The following TBC1D32 variants were observed in gnomAD, a reference collection of about 807,000 sequenced individuals.
The protein encoded by TBC1D32 is protein broad-minded.
Under a neutral mutation model 170.3 loss-of-function variants are expected in TBC1D32, and 151 were observed. That is an observed-to-expected ratio of 0.89 (90% confidence interval 0.78 to 1.01). The LOEUF (loss-of-function observed/expected upper bound fraction) is 1.01, where lower values mean the gene tolerates loss of function less well. TBC1D32 is among the 50% of genes least tolerant of loss of function. TBC1D32 has a pLI of 0.00. For synonymous variants in TBC1D32, 498 were observed against 488.0 expected (o/e 1.02, Z -0.27); for missense variants, 1,464 against 1,457.1 (o/e 1.00, Z -0.08).
At chr6:121,227,715 T>C (rs908622880) in intron 20 of TBC1D32, among the ~76,000 whole-genome samples, 6 of 152,086 alleles carry the variant, frequency 3.9e-5, no homozygotes, top group Non-Finnish European at 7.4e-5. Flanking sequence ...ATCGATAATA[T>C]AGTATTTTAA....
chr6:121,203,639 CT>C (rs1791876120), intron 22 of TBC1D32, among the ~76,000 whole-genome samples: 1 of 151,232 alleles, frequency 6.6e-6, no homozygotes, highest in Admixed American at 6.6e-5. Context: ...GAAAATAACT[CT>C]GTAAGGAAAA....
At chr6:121,097,137 G>A (rs1009693387) in intron 30 of TBC1D32, among the ~76,000 whole-genome samples, 5 of 152,054 alleles carry the variant, frequency 3.3e-5, no homozygotes, top group Non-Finnish European at 7.4e-5. Context: ...ATAGGCATGG[G>A]CAAGGACTTC....
intron 29 of TBC1D32, among the ~76,000 whole-genome samples, chr6:121,108,706 C>A (rs1778931979): frequency 6.6e-6 from 1 of 151,144 alleles, no homozygotes; most frequent in South Asian, 2.1e-4. Flanking sequence ...CATTATAGAT[C>A]TTTTGGGGAG....
Position 121,277,500 on chromosome 6 carries a change from A to C in TBC1D32, c.1733+1621T>G, listed in dbSNP as rs1237230991. ...AAGACTCCATCTCAAAAAAAAAAAAAAAAAAAAAAACCACAAGGGTCAAAG... is the reference window on the plus strand; with the variant it reads ...AAGACTCCATCTCAAAAAAAAAAAACAAAAAAAAAACCACAAGGGTCAAAG... On this transcript the variant is annotated intron_variant, in intron 15 of 31. Transcript: ENST00000398212. Among the ~76,000 whole-genome samples, 3 of 150,652 alleles carry C rather than the reference A, an allele frequency of 2.0e-5. No individual in the cohort carries two copies. The East Asian group carries it at 5.8e-4, about 29-fold the overall frequency.
At chr6:121,175,468 G>A (rs918932765) in intron 22 of TBC1D32, among the ~76,000 whole-genome samples, 1 of 152,168 alleles carries the variant, frequency 6.6e-6, no homozygotes, top group African/African-American at 2.4e-5. Context: ...TAATCCAGCA[G>A]TTAATTAAAA....
intron 22 of TBC1D32, among the ~76,000 whole-genome samples, chr6:121,172,502 A>G (rs145685200): frequency 1.3e-5 from 2 of 152,298 alleles, no homozygotes; most frequent in African/African-American, 4.8e-5. Context: ...AGGCAGGACT[A>G]CAAATGGCTC....
chr6:121,131,682 G>A lies in TBC1D32; in HGVS notation c.2844C>T (p.Cys948=), dbSNP rs1781456601. ...SDKQTEWIEN[C]QRQFCKMMKA... ...TCATCATTTTGCAAAATTGTCTTTG[G>A]CAGTTTTCTATCCATTCAGTTTGTT... The change falls in exon 25 of 32, where the codon TGC becomes TGT. Residue 948 remains cysteine, a synonymous_variant. Transcript: ENST00000398212. The A allele has an allele frequency of 6.2e-7, 1 of 1,611,058 alleles. No homozygotes were observed. Among genetic ancestry groups the A allele is most frequent in the African/African-American group, 1.3e-5 (1 of 74,792 alleles).
intron 11 of TBC1D32, 116 bp from the exon 12 acceptor site, chr6:121,292,309 G>T: frequency 9.4e-7 from 1 of 1,062,096 alleles, no homozygotes; most frequent in Non-Finnish European, 1.3e-6. Flanking sequence ...GACATTACTG[G>T]TCAAAAATTT....
Position 121,281,671 on chromosome 6 carries a change from G to A in TBC1D32, c.1481C>T (p.Ala494Val). ...CCACAGAACTTCAGTCACCATACTT[G>A]CAGGAGAGTAATTCTCTAATAAACA... The part of the protein sequence containing the change: ...SAAHSENYSP[A>V]SMVTEVLWIL... The change falls in exon 14 of 32, where the codon GCA becomes GTA. Residue 494 changes from alanine (A) to valine (V), a missense_variant. By Grantham distance (64) the Ala-to-Val change is moderately conservative. Around this residue, in one of 3 missense-constraint regions of TBC1D32, gnomAD observed 1,363 missense variants for 1,338.1 expected, o/e 1.02. Coordinates refer to ENST00000398212, the MANE Select transcript of TBC1D32 (RefSeq NM_152730.6). 1 of 1,593,104 alleles carries A rather than the reference G, an allele frequency of 6.3e-7. No homozygotes were observed. The highest frequency in any genetic ancestry group is 8.6e-7 in the Non-Finnish European group (1 of 1,169,476).
chr6:121,330,081 C>T (rs911601899), intron 1 of TBC1D32, among the ~76,000 whole-genome samples: 2 of 152,000 alleles, frequency 1.3e-5, no homozygotes, highest in Non-Finnish European at 2.9e-5. Flanking sequence ...TATTTTGTGA[C>T]AGGGTCTCGC....
At chr6:121,206,179 C>T (rs1792232121) in intron 21 of TBC1D32, among the ~76,000 whole-genome samples, 2 of 147,782 alleles carry the variant, frequency 1.4e-5, no homozygotes, top group East Asian at 2.0e-4. Context: ...CACTGCACTC[C>T]AGCCTAGGTG....
Position 121,160,007 on chromosome 6 carries a change from T to C in TBC1D32, c.2773+3A>G. The C allele has an allele frequency of 6.4e-7, 1 of 1,570,930 alleles. No individual in the cohort carries two copies. The highest frequency in any genetic ancestry group is 8.7e-7 in the Non-Finnish European group (1 of 1,144,926). The stretch of plus-strand genomic sequence containing the variant: ...ATATGGCATTTGATGGTAAATATTT[T>C]ACCTTGTTTTATACCAGCATTTCTT... On this transcript the variant is annotated splice_donor_region_variant and intron_variant, in intron 24 of 31. Coordinates refer to ENST00000398212, the MANE Select transcript of TBC1D32 (RefSeq NM_152730.6).
chr6:121,168,460 G>C (rs1325184568), intron 22 of TBC1D32, among the ~76,000 whole-genome samples: 1 of 90,494 alleles, frequency 1.1e-5, no homozygotes, highest in Non-Finnish European at 2.3e-5. Context: ...CCTATCACAA[G>C]AACAAAAAAC....
At chr6:121,129,284 T>C (rs923505697) in intron 25 of TBC1D32, among the ~76,000 whole-genome samples, 10 of 152,204 alleles carry the variant, frequency 6.6e-5, no homozygotes, top group African/African-American at 1.2e-4. Flanking sequence ...AATTACACTT[T>C]ATTATAAGAT....
chr6:121,150,732 G>A (rs886217751), intron 24 of TBC1D32, among the ~76,000 whole-genome samples: 1 of 152,140 alleles, frequency 6.6e-6, no homozygotes, highest in Non-Finnish European at 1.5e-5. Context: ...TTAGTCTTGG[G>A]AGGGTGTATG....
chr6:121,142,259 GCA>G (rs1782889078), intron 24 of TBC1D32, among the ~76,000 whole-genome samples: 1 of 152,236 alleles, frequency 6.6e-6, no homozygotes, highest in Non-Finnish European at 1.5e-5. Flanking sequence ...GAATGTTTAT[GCA>G]TAAGATCAGA....
chr6:121,102,305 A>G (rs536535747), intron 30 of TBC1D32, among the ~76,000 whole-genome samples: 1 of 152,294 alleles, frequency 6.6e-6, no homozygotes, highest in East Asian at 1.9e-4. Context: ...AAAAGAACAA[A>G]GCTGGAGGCA....
At chr6:121,133,083 T>C (rs1355317561) in intron 24 of TBC1D32, among the ~76,000 whole-genome samples, 9 of 151,870 alleles carry the variant, frequency 5.9e-5, no homozygotes, top group Non-Finnish European at 1.0e-4. Flanking sequence ...GGCTTAATTG[T>C]TTCTGCTCTA....
At chr6:121,133,082 G>T (rs1781616400) in intron 24 of TBC1D32, among the ~76,000 whole-genome samples, 1 of 151,776 alleles carries the variant, frequency 6.6e-6, no homozygotes, top group Non-Finnish European at 1.5e-5. Context: ...AGGCTTAATT[G>T]TTTCTGCTCT....
Sources: allele counts gnomAD v4.1 joint callset (sites outside exome capture counted in the v4.1 genomes callset), GRCh38; gene constraint gnomAD v4.1.1; regional missense constraint gnomAD v4.1.1; transcripts MANE v1.5; gene names NCBI Gene and HGNC (gene_info 2026-07-23, HGNC 2026-07-21).